The following MGMT variants were observed in gnomAD, a reference collection of about 807,000 sequenced individuals.
MGMT encodes methylated-DNA--protein-cysteine methyltransferase.
A neutral mutation model predicts 15.9 loss-of-function variants in MGMT; 14 were observed. That is an observed-to-expected ratio of 0.88 (90% CI 0.58 to 1.37). MGMT has a LOEUF of 1.37. Among genes scored for constraint, MGMT ranks in the 40% most tolerant of loss-of-function variants. The pLI, the probability that MGMT is intolerant of heterozygous loss-of-function variation, is 0.00. For missense variants in MGMT, 282 were observed against 268.1 expected (o/e 1.05, Z -0.36); for synonymous variants, 130 against 118.2 (o/e 1.10, Z -0.65).
intron 2 of MGMT, among the ~76,000 whole-genome samples, chr10:129,665,683 A>G (rs956189789): frequency 3.3e-5 from 5 of 152,162 alleles, no homozygotes; most frequent in African/African-American, 1.2e-4. Flanking sequence ...GCTTGATCTT[A>G]GTGATGGTCA....
chr10:129,732,159 A>T (rs758706637), intron 3 of MGMT, among the ~76,000 whole-genome samples: 61 of 151,738 alleles, frequency 4.0e-4, no homozygotes, highest in Non-Finnish European at 3.7e-4. Context: ...CCTTTTTTAA[A>T]TTTTTTTTAT....
chr10:129,472,623 C>T (rs184228526), intron 1 of MGMT, among the ~76,000 whole-genome samples: 2 of 152,256 alleles, frequency 1.3e-5, no homozygotes, highest in Non-Finnish European at 2.9e-5. Context: ...AATCCTGTGC[C>T]CTTGAGCAGA....
At chr10:129,540,989 C>A (rs1234154745) in intron 2 of MGMT, among the ~76,000 whole-genome samples, 1 of 152,204 alleles carries the variant, frequency 6.6e-6, no homozygotes, top group Non-Finnish European at 1.5e-5. Flanking sequence ...TGGCCCCTGC[C>A]CTCACCCTTC....
chr10:129,501,231 C>T (rs924759938), intron 1 of MGMT, among the ~76,000 whole-genome samples: 5 of 152,282 alleles, frequency 3.3e-5, no homozygotes, highest in Middle Eastern at 3.4e-3. Flanking sequence ...AAAGTTGCCC[C>T]CTCTTCCCTC....
At chr10:129,739,519 T>C (rs1319099856) in intron 3 of MGMT, among the ~76,000 whole-genome samples, 2 of 152,216 alleles carry the variant, frequency 1.3e-5, no homozygotes, top group Admixed American at 1.3e-4. Flanking sequence ...CAGTGTCTGC[T>C]TTGTGCATCT....
intron 2 of MGMT, among the ~76,000 whole-genome samples, chr10:129,582,515 G>C (rs1365108866): frequency 6.6e-6 from 1 of 151,588 alleles, no homozygotes; most frequent in African/African-American, 2.4e-5. Context: ...ACGTCTTCCC[G>C]ATATTTAGAT....
chr10:129,520,094 C>T lies in MGMT; in HGVS notation c.-12-16147C>T, dbSNP rs140788579. Among the ~76,000 whole-genome samples, 457 of 152,332 alleles carry T rather than the reference C, an allele frequency of 3.0e-3. 2 individuals carry two copies. Among genetic ancestry groups the T allele is most frequent in the African/African-American group, 0.01 (434 of 41,570 alleles). ...GTAGTGCCACAGGCAGTGCAGCAAGCATCTGGTTTATCTGCGTGAGCTCAT... is the reference window on the plus strand; with the variant it reads ...GTAGTGCCACAGGCAGTGCAGCAAGTATCTGGTTTATCTGCGTGAGCTCAT... On this transcript the variant is annotated intron_variant, in intron 1 of 4. Coordinates refer to ENST00000651593, the MANE Select transcript of MGMT (RefSeq NM_002412.5).
intron 2 of MGMT, among the ~76,000 whole-genome samples, chr10:129,537,665 T>C (rs1846000901): frequency 6.6e-6 from 1 of 152,168 alleles, no homozygotes; most frequent in South Asian, 2.1e-4. Flanking sequence ...AAATGCCCAT[T>C]GTGGATTAGG....
chr10:129,691,011 G>C (rs1232225312), intron 2 of MGMT, among the ~76,000 whole-genome samples: 1 of 152,214 alleles, frequency 6.6e-6, no homozygotes, highest in Admixed American at 6.5e-5. Context: ...AGAGGCTCTG[G>C]AGGTTGTTCA....
At chr10:129,601,657 A>G (rs1215660875) in intron 2 of MGMT, among the ~76,000 whole-genome samples, 3 of 152,186 alleles carry the variant, frequency 2.0e-5, no homozygotes, top group African/African-American at 4.8e-5. Flanking sequence ...AGTGGGTTCC[A>G]TTACTGTGGA....
At chr10:129,740,700 GA>G (rs1455418080) in intron 3 of MGMT, among the ~76,000 whole-genome samples, 1 of 152,112 alleles carries the variant, frequency 6.6e-6, no homozygotes, top group African/African-American at 2.4e-5. Context: ...TGCCTGCAGA[GA>G]GGCTTTCAGG....
intron 2 of MGMT, among the ~76,000 whole-genome samples, chr10:129,651,304 A>G (rs1847455360): frequency 6.6e-6 from 1 of 152,168 alleles, no homozygotes; most frequent in African/African-American, 2.4e-5. Flanking sequence ...TTCTTTATGC[A>G]TTAATTAGTA....
intron 2 of MGMT, among the ~76,000 whole-genome samples, chr10:129,567,048 C>T (rs915882211): frequency 1.3e-5 from 2 of 152,098 alleles, no homozygotes. Flanking sequence ...TGAGGCAGCT[C>T]GTGTTTTCGA....
At chr10:129,569,870 C>G (rs1846397454) in intron 2 of MGMT, among the ~76,000 whole-genome samples, 1 of 152,188 alleles carries the variant, frequency 6.6e-6, no homozygotes, top group South Asian at 2.1e-4. Flanking sequence ...TTGTGAATTA[C>G]TTTTTGCCTT....
chr10:129,587,923 A>C (rs1846636243), intron 2 of MGMT, among the ~76,000 whole-genome samples: 1 of 152,044 alleles, frequency 6.6e-6, no homozygotes, highest in Admixed American at 6.6e-5. Flanking sequence ...TTATATGCAA[A>C]TGTTACCTGG....
Position 129,626,213 on chromosome 10 carries a change from G to A in MGMT, c.126-81682G>A, listed in dbSNP as rs559109363. ...CAGCCTGCGTGTAAGCATGTGGGAA[G>A]GGGGATCAGGAACATTTAGTAGAAT... On this transcript the variant is annotated intron_variant, in intron 2 of 4. Coordinates refer to ENST00000651593, the MANE Select transcript of MGMT (RefSeq NM_002412.5). 3.3e-5 allele frequency among the ~76,000 whole-genome samples: 5 copies of A among 152,300 alleles called. No individual in the cohort carries two copies. The East Asian group carries it at 9.7e-4, about 29-fold the overall frequency.
intron 2 of MGMT, among the ~76,000 whole-genome samples, chr10:129,583,529 G>A (rs1377597411): frequency 1.3e-5 from 2 of 152,194 alleles, no homozygotes; most frequent in African/African-American, 2.4e-5. Context: ...TCCTTATCCC[G>A]GGTAGAAAGC....
intron 2 of MGMT, chr10:129,563,693 G>A (rs1013572693): frequency 1.3e-5 from 2 of 152,106 alleles, no homozygotes; most frequent in African/African-American, 4.8e-5. Flanking sequence ...TCGTTCATGG[G>A]TTGCTAATTT....
intron 2 of MGMT, among the ~76,000 whole-genome samples, chr10:129,595,531 G>C (rs1202123428): frequency 6.6e-6 from 1 of 152,128 alleles, no homozygotes; most frequent in South Asian, 2.1e-4. Flanking sequence ...CCTGGGGTCC[G>C]TGGTGGTCTT....
Sources: allele counts gnomAD v4.1 joint callset (sites outside exome capture counted in the v4.1 genomes callset), GRCh38; gene constraint gnomAD v4.1.1; transcripts MANE v1.5; gene names NCBI Gene and HGNC (gene_info 2026-07-23, HGNC 2026-07-21).